Variants in TTLL5 observed in about 807,000 individuals in gnomAD.
TTLL5 encodes the protein tubulin polyglutamylase TTLL5.
TTLL5 carries 132 observed loss-of-function variants against 168.4 expected under a neutral mutation model. The observed-to-expected ratio is 0.78, with a 90% CI of 0.68 to 0.91. TTLL5 has a LOEUF of 0.91. Among genes scored for constraint, TTLL5 ranks in the 40% least tolerant of loss-of-function variants. The probability of loss-of-function intolerance (pLI) is 0.00; values close to 1 mark genes in which losing one functional copy is unlikely to be tolerated. For synonymous variants in TTLL5, 546 were observed against 558.6 expected (o/e 0.98, Z 0.32); for missense variants, 1,545 against 1,581.5 (o/e 0.98, Z 0.39).
chr14:75,832,677 A>G (rs1041693880), intron 28 of TTLL5, among the ~76,000 whole-genome samples: 24 of 152,216 alleles, frequency 1.6e-4, no homozygotes, highest in African/African-American at 5.8e-4. Context: ...AATAACACTC[A>G]TCACTATAAA....
rs746432496 is a variant in TTLL5 at position 75,720,694 on chromosome 14, A to T, written c.1033A>T (p.Ser345Cys). 6 of 1,613,186 alleles carry T rather than the reference A, an allele frequency of 3.7e-6. No homozygotes were observed. Among genetic ancestry groups the T allele is most frequent in the Non-Finnish European group, 5.1e-6 (6 of 1,179,348 alleles). The change falls in exon 12 of 32, where the codon AGT becomes TGT. Residue 345 changes from serine (S) to cysteine (C), a missense_variant. Physicochemically the swap from Ser to Cys is moderately radical, Grantham distance 112 (BLOSUM62 -1). Coordinates refer to ENST00000298832, the MANE Select transcript of TTLL5 (RefSeq NM_015072.5). ...TAAAACCTTTGTTCCTCATCGCAGC[A>T]GTTGTTTTGGTAAGGAGACTCAAGA... ...ACKTFVPHRS[S>C]CFELYGFDVL... is the part of the protein sequence containing the mutation.
At chr14:75,670,104 T>A (rs931769652) in intron 3 of TTLL5, among the ~76,000 whole-genome samples, 1 of 152,266 alleles carries the variant, frequency 6.6e-6, no homozygotes, top group African/African-American at 2.4e-5. Flanking sequence ...TTCCTTTTTA[T>A]AGCTGAATAA....
intron 24 of TTLL5, among the ~76,000 whole-genome samples, chr14:75,780,699 A>G (rs1228278088): frequency 6.6e-6 from 1 of 152,212 alleles, no homozygotes; most frequent in Non-Finnish European, 1.5e-5. Flanking sequence ...GAATTTTCCC[A>G]AAGAAACAGT....
chr14:75,843,288 A>G (rs1270638507), intron 28 of TTLL5, among the ~76,000 whole-genome samples: 1 of 152,180 alleles, frequency 6.6e-6, no homozygotes. Flanking sequence ...CACTCTTCCC[A>G]CTGTGGAACT....
At chr14:75,836,360 A>G (rs1399035229) in intron 28 of TTLL5, among the ~76,000 whole-genome samples, 1 of 151,438 alleles carries the variant, frequency 6.6e-6, no homozygotes, top group African/African-American at 2.4e-5. Context: ...ACTTGTGGAG[A>G]TAAAGAGTAG....
rs762310604 is a variant in TTLL5 at position 75,882,670 on chromosome 14, C to CTTTT, written c.3523-8_3523-5dup. 4 of 1,254,016 alleles carry CTTTT rather than the reference C, an allele frequency of 3.2e-6. No individual in the cohort carries two copies. The highest frequency in any genetic ancestry group is 4.2e-5 in the Admixed American group (2 of 48,132). 77.7% of individuals were successfully genotyped at this position (1,254,016 alleles called of 1,614,324 possible). Reference sequence around the variant, plus strand: ...GTGATGTCCATCGATCATTTTTTTCCTTTTTTTTTTGTAGGCAATCTTTGG... The same window carrying CTTTT: ...GTGATGTCCATCGATCATTTTTTTCCTTTTTTTTTTTTTTGTAGGCAATCTTTGG... On this transcript the variant is annotated splice_polypyrimidine_tract_variant and intron_variant, in intron 29 of 31. Coordinates refer to ENST00000298832, the MANE Select transcript of TTLL5 (RefSeq NM_015072.5).
intron 6 of TTLL5, among the ~76,000 whole-genome samples, chr14:75,696,989 G>A (rs1258236929): frequency 1.3e-5 from 2 of 152,084 alleles, no homozygotes; most frequent in African/African-American, 4.8e-5. Flanking sequence ...TTGGTCTTCT[G>A]CCAGTTTTTG....
intron 9 of TTLL5, among the ~76,000 whole-genome samples, chr14:75,714,961 G>GA: frequency 2.0e-5 from 3 of 152,206 alleles, no homozygotes; most frequent in Admixed American, 2.0e-4. Flanking sequence ...ATGTATTGTT[G>GA]AAAAATAGAA....
intron 28 of TTLL5, among the ~76,000 whole-genome samples, chr14:75,851,743 T>G (rs1261131932): frequency 6.6e-6 from 1 of 152,200 alleles, no homozygotes; most frequent in Non-Finnish European, 1.5e-5. Flanking sequence ...GATTCTGGCG[T>G]CTTTTTTTTG....
chr14:75,856,133 C>A (rs537604008), intron 28 of TTLL5, among the ~76,000 whole-genome samples: 1 of 152,156 alleles, frequency 6.6e-6, no homozygotes, highest in Non-Finnish European at 1.5e-5. Context: ...GAGGCCGAGG[C>A]GGGCTGATCA....
intron 30 of TTLL5, among the ~76,000 whole-genome samples, chr14:75,891,343 C>T (rs181398117): frequency 1.5e-4 from 23 of 152,310 alleles, no homozygotes; most frequent in Admixed American, 1.5e-3. Context: ...TGCCATCTAC[C>T]TCCTGGTTTT....
chr14:75,741,322 G>A (rs1374033087), intron 15 of TTLL5, among the ~76,000 whole-genome samples: 1 of 152,144 alleles, frequency 6.6e-6, no homozygotes, highest in Non-Finnish European at 1.5e-5. Context: ...TTTAGCCAGA[G>A]GCAATGGTTC....
At chr14:75,832,435 T>A (rs565843137) in intron 28 of TTLL5, among the ~76,000 whole-genome samples, 1 of 152,328 alleles carries the variant, frequency 6.6e-6, no homozygotes, top group African/African-American at 2.4e-5. Context: ...AACTGTCTTT[T>A]CTTTCTTTCC....
intron 21 of TTLL5, among the ~76,000 whole-genome samples, chr14:75,774,145 G>A (rs576514358): frequency 1.8e-4 from 27 of 152,008 alleles, no homozygotes; most frequent in African/African-American, 5.5e-4. Flanking sequence ...TCAACAGAAC[G>A]TCCCCAGATT....
At chr14:75,925,568 T>G (rs1290473272) in intron 31 of TTLL5, among the ~76,000 whole-genome samples, 32 of 133,952 alleles carry the variant, frequency 2.4e-4, no homozygotes, top group Non-Finnish European at 4.4e-4. Context: ...CTTTCCAGAC[T>G]GGGCAGCCAG....
chr14:75,773,859 C>T (rs1401954480), intron 21 of TTLL5, among the ~76,000 whole-genome samples: 3 of 136,756 alleles, frequency 2.2e-5, no homozygotes, highest in Admixed American at 7.8e-5. Flanking sequence ...CACTGCACTT[C>T]AGGCTGGGTG....
chr14:75,850,108 TAAAAA>T (rs1164286392), intron 28 of TTLL5, among the ~76,000 whole-genome samples: 2 of 142,334 alleles, frequency 1.4e-5, no homozygotes, highest in Non-Finnish European at 3.1e-5. Context: ...AAAATAAAAA[TAAAAA>T]AAAAAATCTG....
chr14:75,748,617 T>C (rs1342000537), intron 17 of TTLL5, among the ~76,000 whole-genome samples: 1 of 152,244 alleles, frequency 6.6e-6, no homozygotes, highest in Non-Finnish European at 1.5e-5. Context: ...AGTTTTTGTA[T>C]AGGCTCAGTG....
intron 24 of TTLL5, 76 bp downstream of exon 24, chr14:75,779,778 T>C: frequency 2.7e-6 from 4 of 1,467,910 alleles, no homozygotes; most frequent in Non-Finnish European, 3.7e-6. Flanking sequence ...GAATGAGGAA[T>C]AATGTGTTGG....
Sources: allele counts gnomAD v4.1 joint callset (sites outside exome capture counted in the v4.1 genomes callset), GRCh38; gene constraint gnomAD v4.1.1; transcripts MANE v1.5; gene names NCBI Gene and HGNC (gene_info 2026-07-23, HGNC 2026-07-21).